CPNE4: variants seen among roughly 807,000 people sequenced by gnomAD.
CPNE4 encodes copine 4, also known as copine-4.
A neutral mutation model predicts 67.9 loss-of-function variants in CPNE4; 25 were observed. The observed-to-expected ratio is 0.37, with a 90% CI of 0.27 to 0.51. The LOEUF (loss-of-function observed/expected upper bound fraction) is 0.51. Ranked by LOEUF, CPNE4 falls within the 20% of genes least tolerant of loss-of-function variation. CPNE4 has a pLI of 0.93. For synonymous variants in CPNE4, 242 were observed against 244.9 expected (o/e 0.99, Z 0.11); for missense variants, 464 against 690.8 (o/e 0.67, Z 3.68).
chr3:131,925,785 G>A (rs1401571654), intron 1 of CPNE4, among the ~76,000 whole-genome samples: 1 of 152,158 alleles, frequency 6.6e-6, no homozygotes, highest in Admixed American at 6.5e-5. Flanking sequence ...TTCTGACTGG[G>A]CAGCCTCCCC....
chr3:132,017,352 G>A (rs2073908771), intron 1 of CPNE4: 1 of 151,652 alleles, frequency 6.6e-6, no homozygotes. Context: ...GGATGGAAAG[G>A]AAAATGGAAG....
chr3:131,553,961 A>G (rs774054721), intron 12 of CPNE4, among the ~76,000 whole-genome samples: 15 of 152,064 alleles, frequency 9.9e-5, no homozygotes, highest in Non-Finnish European at 1.3e-4. Flanking sequence ...GGAAGGATGG[A>G]GTTAGGGGAT....
chr3:131,676,073 T>TTATTA (rs2080559215), intron 6 of CPNE4, among the ~76,000 whole-genome samples: 2 of 108,010 alleles, frequency 1.9e-5, no homozygotes, highest in South Asian at 3.4e-4. Context: ...TATTATTATT[T>TTATTA]GAGATGGAGT....
chr3:131,892,547 G>A (rs1407706417), intron 2 of CPNE4, among the ~76,000 whole-genome samples: 1 of 137,758 alleles, frequency 7.3e-6, no homozygotes, highest in Admixed American at 7.4e-5. Context: ...ATACCCCAGT[G>A]ATATAATGGT....
intron 2 of CPNE4, among the ~76,000 whole-genome samples, chr3:131,819,489 G>GACACACACAC (rs2084875730): frequency 2.1e-5 from 2 of 96,992 alleles, no homozygotes; most frequent in Non-Finnish European, 4.9e-5. Context: ...GACACACACA[G>GACACACACAC]ATACACACAC....
chr3:131,675,962 T>A (rs1374081821), intron 6 of CPNE4, among the ~76,000 whole-genome samples: 1 of 150,474 alleles, frequency 6.6e-6, no homozygotes, highest in Non-Finnish European at 1.5e-5. Context: ...TTATTGGGTT[T>A]TTTTTGGTGT....
intron 2 of CPNE4, among the ~76,000 whole-genome samples, chr3:131,887,452 A>C (rs911764360): frequency 6.6e-6 from 1 of 152,206 alleles, no homozygotes; most frequent in Non-Finnish European, 1.5e-5. Flanking sequence ...GACATCTCTG[A>C]ATCTCAGTTC....
At chr3:131,574,039 T>C (rs535219018) in intron 10 of CPNE4, among the ~76,000 whole-genome samples, 7 of 152,230 alleles carry the variant, frequency 4.6e-5, no homozygotes, top group African/African-American at 1.7e-4. Context: ...AGACTCCTTT[T>C]AGTCCTTTGA....
upstream of CPNE4, chr3:132,037,615 A>C: frequency 6.5e-7 from 1 of 1,535,942 alleles, no homozygotes; most frequent in Non-Finnish European, 8.7e-7. Context: ...GCCATGGTCA[A>C]ATTTATCTAA....
At chr3:131,585,277 G>A (rs2107697657) in intron 8 of CPNE4, among the ~76,000 whole-genome samples, 1 of 152,276 alleles carries the variant, frequency 6.6e-6, no homozygotes, top group East Asian at 1.9e-4. Flanking sequence ...CAATCTGTAA[G>A]CTTCAGAAGG....
chr3:131,611,875 G>GTGAGCCCAAGTCACGACAAA (rs1216933857), intron 7 of CPNE4, among the ~76,000 whole-genome samples: 2 of 152,098 alleles, frequency 1.3e-5, no homozygotes, highest in African/African-American at 4.8e-5. Context: ...GCAAGGATAA[G>GTGAGCCCAAGTCACGACAAA]TGAGCCCAAG....
intron 2 of CPNE4, among the ~76,000 whole-genome samples, chr3:131,783,076 G>T (rs1398700304): frequency 6.6e-6 from 1 of 152,072 alleles, no homozygotes; most frequent in African/African-American, 2.4e-5. Flanking sequence ...AATGTCATCA[G>T]TGTGAGTACC....
chr3:131,886,828 C>T (rs10934985), intron 2 of CPNE4, among the ~76,000 whole-genome samples: 43,831 of 152,138 alleles, frequency 0.29, 7,387 homozygotes, highest in Non-Finnish European at 0.37. Context: ...CTTGAAACAA[C>T]TGTATTTACC....
rs563796967 is a variant in CPNE4 at position 131,724,165 on chromosome 3, C to T, written c.181-540G>A. Among the ~76,000 whole-genome samples the T allele has an allele frequency of 5.0e-4, 76 of 152,140 alleles. No homozygotes were observed. The Middle Eastern group carries it at 0.01, about 20-fold the overall frequency. On this transcript the variant is annotated intron_variant, in intron 2 of 15. Coordinates refer to ENST00000429747, the MANE Select transcript of CPNE4 (RefSeq NM_130808.3). ...GTGCTATGTAGGTGTCTCATTTTAG[C>T]CAACTCTAAGTTTCCTAATCCATGA...
chr3:131,699,853 C>A, intron 4 of CPNE4, 56 bp downstream of exon 4: 1 of 1,489,346 alleles, frequency 6.7e-7, no homozygotes, highest in Non-Finnish European at 9.3e-7. Context: ...TTGGGCTGGC[C>A]AGTCCGCCCA....
At chr3:131,557,593 C>G (rs1417700385) in intron 11 of CPNE4, among the ~76,000 whole-genome samples, 1 of 152,082 alleles carries the variant, frequency 6.6e-6, no homozygotes, top group East Asian at 1.9e-4. Flanking sequence ...CCAACTCCCA[C>G]TTCTCCTCAC....
rs79169379 is a variant in CPNE4, at chr3:131,859,492, T to C, written c.180+45772A>G. ...ATTACTTTCCCTCAAATTTAGCATC[T>C]ATCTCAGCTACACATTAGAAACTTC... On this transcript the variant is annotated intron_variant, in intron 2 of 15. Transcript: ENST00000429747. Among the ~76,000 whole-genome samples the C allele has an allele frequency of 7.0e-3, 1,069 of 152,238 alleles. 15 individuals are homozygous for C. The highest frequency in any genetic ancestry group is 0.023 in the African/African-American group (966 of 41,540).
intron 1 of CPNE4, among the ~76,000 whole-genome samples, chr3:131,910,070 T>C (rs1207070737): frequency 6.6e-6 from 1 of 152,084 alleles, no homozygotes; most frequent in African/African-American, 2.4e-5. Flanking sequence ...AAAACATTTG[T>C]GATCATATGA....
intron 7 of CPNE4, among the ~76,000 whole-genome samples, chr3:131,645,017 C>G (rs1254683587): frequency 6.6e-6 from 1 of 152,202 alleles, no homozygotes; most frequent in East Asian, 1.9e-4. Flanking sequence ...TTACTGCCAA[C>G]AGAGATGCTG....
Sources: gnomAD v4.1 joint callset for allele counts (sites outside exome capture counted in the v4.1 genomes callset) on GRCh38, gnomAD v4.1.1 for gene constraint, MANE v1.5 for transcripts, NCBI Gene and HGNC (gene_info 2026-07-23, HGNC 2026-07-21) for gene names.